Variants in GRHL2 observed in about 807,000 individuals in gnomAD.
GRHL2 encodes the protein grainyhead like transcription factor 2, also known as grainyhead-like protein 2 homolog.
Under a neutral mutation model 83.8 loss-of-function variants are expected in GRHL2, and 21 were observed. The ratio of observed to expected loss-of-function variants is 0.25; its 90% CI spans 0.18 to 0.36. The LOEUF is 0.36. Among genes scored for constraint, GRHL2 ranks in the 10% least tolerant of loss-of-function variants. The probability of loss-of-function intolerance (pLI) is 1.00; values close to 1 mark genes in which losing one functional copy is unlikely to be tolerated. For missense variants in GRHL2, 623 were observed against 781.8 expected (o/e 0.80, Z 2.42); for synonymous variants, 280 against 278.9 (o/e 1.00, Z -0.04).
chr8:101,637,744 G>A (rs1177235202), intron 12 of GRHL2, among the ~76,000 whole-genome samples: 2 of 152,160 alleles, frequency 1.3e-5, no homozygotes, highest in Non-Finnish European at 2.9e-5. Context: ...ACTATTGGAC[G>A]ATTCCAGCTC....
At chr8:101,607,684 C>T (rs1160631716) in intron 8 of GRHL2, among the ~76,000 whole-genome samples, 2 of 152,134 alleles carry the variant, frequency 1.3e-5, no homozygotes, top group East Asian at 1.9e-4. Context: ...TTGAATTGCA[C>T]ACTGCAAAGC....
intron 1 of GRHL2, among the ~76,000 whole-genome samples, chr8:101,531,187 C>T (rs369987536): frequency 1.3e-5 from 2 of 149,738 alleles, no homozygotes; most frequent in African/African-American, 4.9e-5. Context: ...ACTCCTCTAG[C>T]CTTCTAGCCT....
chr8:101,592,080 G>A (rs1036502294), intron 7 of GRHL2, among the ~76,000 whole-genome samples: 4 of 145,464 alleles, frequency 2.7e-5, no homozygotes, highest in African/African-American at 1.0e-4. Flanking sequence ...GACAGGTACA[G>A]CACTTTCTTT....
At chr8:101,557,369 C>T (rs565673931) in intron 3 of GRHL2, among the ~76,000 whole-genome samples, 75 of 151,856 alleles carry the variant, frequency 4.9e-4, no homozygotes, top group Non-Finnish European at 7.4e-4. Context: ...GGACTACAGG[C>T]GCATGCCACT....
At chr8:101,542,861 C>T (rs1371327316) in intron 1 of GRHL2, 1 of 457,868 alleles carries the variant, frequency 2.2e-6, no homozygotes, top group Non-Finnish European at 4.4e-6. Context: ...AATGAACCCA[C>T]TCCTTTGATA....
intron 9 of GRHL2, among the ~76,000 whole-genome samples, chr8:101,626,516 T>G (rs929920695): frequency 6.6e-6 from 1 of 152,038 alleles, no homozygotes; most frequent in African/African-American, 2.4e-5. Flanking sequence ...CTACATATTG[T>G]GGAAATACGG....
chr8:101,580,689 T>A (rs528563885), intron 7 of GRHL2, among the ~76,000 whole-genome samples: 135 of 152,240 alleles, frequency 8.9e-4, no homozygotes, highest in African/African-American at 3.1e-3. Flanking sequence ...TTTTTATTTT[T>A]ATTTATTTTA....
At chr8:101,601,546 C>T (rs1019891330) in intron 8 of GRHL2, among the ~76,000 whole-genome samples, 1 of 152,172 alleles carries the variant, frequency 6.6e-6, no homozygotes, top group Non-Finnish European at 1.5e-5. Context: ...TGTGGGTGTA[C>T]ATGTGAGTGT....
At chr8:101,493,486 A>G (rs1211815342) in intron 1 of GRHL2, among the ~76,000 whole-genome samples, 1 of 52,490 alleles carries the variant, frequency 1.9e-5, no homozygotes, top group East Asian at 3.8e-4. Flanking sequence ...CACCTTCCTC[A>G]GGTGCCCGGG....
intron 1 of GRHL2, among the ~76,000 whole-genome samples, chr8:101,535,515 G>A (rs1224243276): frequency 2.0e-5 from 3 of 152,064 alleles, no homozygotes; most frequent in African/African-American, 7.2e-5. Flanking sequence ...TGACAGCTCA[G>A]TGACAGTTTT....
chr8:101,589,711 G>A (rs919508397), intron 7 of GRHL2, among the ~76,000 whole-genome samples: 5 of 152,020 alleles, frequency 3.3e-5, no homozygotes, highest in African/African-American at 1.2e-4. Context: ...TATCTGTGAG[G>A]GTATTATACT....
In GRHL2 at chr8:101,661,533, G is replaced by A. The variant is rs184146319; in HGVS notation, c.1699-2921G>A. On this transcript the variant is annotated intron_variant, in intron 14 of 15. Coordinates refer to ENST00000646743, the MANE Select transcript of GRHL2 (RefSeq NM_024915.4). ...ATAATCTCTAGATTACTTATAATAC[G>A]TAATACATTGTAAAGGCCATGCAAA... 5.9e-5 allele frequency among the ~76,000 whole-genome samples: 9 copies of A among 152,208 alleles called. No individual in the cohort carries two copies. The East Asian group carries it at 1.2e-3, about 20-fold the overall frequency.
rs185683198 is a variant in GRHL2 at position 101,524,883 on chromosome 8, T to A, written c.21-18358T>A. ...ATATTATAATTGCTGATATATAGAG[T>A]CTTGTTTTTTCTATGCCATACCATT... On this transcript the variant is annotated intron_variant, in intron 1 of 15. Transcript: ENST00000646743. Among the ~76,000 whole-genome samples, 310 of 152,212 alleles carry A rather than the reference T, an allele frequency of 2.0e-3. 1 individual carries two copies. The highest frequency in any genetic ancestry group is 7.1e-3 in the African/African-American group (296 of 41,546).
intron 14 of GRHL2, among the ~76,000 whole-genome samples, chr8:101,649,927 T>G (rs1813587502): frequency 6.6e-6 from 1 of 152,244 alleles, no homozygotes; most frequent in Non-Finnish European, 1.5e-5. Context: ...TATAGTGATT[T>G]GCAGTAAGAC....
At chr8:101,637,900 C>T (rs1489547748) in intron 12 of GRHL2, among the ~76,000 whole-genome samples, 1 of 152,182 alleles carries the variant, frequency 6.6e-6, no homozygotes, top group Non-Finnish European at 1.5e-5. Flanking sequence ...TGGTAAAATA[C>T]AGTTTTACTT....
Position 101,646,921 on chromosome 8 carries a change from G to A in GRHL2, c.1613-2493G>A, listed in dbSNP as rs1204132017. Among the ~76,000 whole-genome samples the A allele has an allele frequency of 2.0e-5, 3 of 152,238 alleles. No homozygotes were observed. In the South Asian group the frequency reaches 6.2e-4, roughly 31 times the overall value. On this transcript the variant is annotated intron_variant, in intron 13 of 15. Coordinates refer to ENST00000646743, the MANE Select transcript of GRHL2 (RefSeq NM_024915.4). ...GAGTTGCTGTCAACAGGCCCAGCAGGGGAACGGTGGAGCTGCCCTGCCTGG... is the reference window on the plus strand; with the variant it reads ...GAGTTGCTGTCAACAGGCCCAGCAGAGGAACGGTGGAGCTGCCCTGCCTGG...
At chr8:101,594,942 A>T (rs1471762797) in intron 7 of GRHL2, among the ~76,000 whole-genome samples, 4 of 152,260 alleles carry the variant, frequency 2.6e-5, no homozygotes, top group Non-Finnish European at 4.4e-5. Context: ...CATGAAGGAC[A>T]TATACAAGGT....
intron 14 of GRHL2, among the ~76,000 whole-genome samples, chr8:101,650,861 A>G (rs1359606110): frequency 1.3e-5 from 2 of 151,790 alleles, no homozygotes; most frequent in Admixed American, 6.6e-5. Flanking sequence ...ATTTTTAAAA[A>G]CTGTACCAAT....
intron 1 of GRHL2, among the ~76,000 whole-genome samples, chr8:101,542,402 A>T (rs967784757): frequency 2.0e-5 from 3 of 151,928 alleles, no homozygotes; most frequent in Non-Finnish European, 4.4e-5. Context: ...TAAAAATACA[A>T]AAATTAGCCA....
Sources: gnomAD v4.1 joint callset for allele counts (sites outside exome capture counted in the v4.1 genomes callset) on GRCh38, gnomAD v4.1.1 for gene constraint, MANE v1.5 for transcripts, NCBI Gene and HGNC (gene_info 2026-07-23, HGNC 2026-07-21) for gene names.